The following SNTB1 variants were observed in gnomAD, a reference collection of about 807,000 sequenced individuals.
SNTB1 encodes beta-1-syntrophin.
A neutral mutation model predicts 48.9 loss-of-function variants in SNTB1; 36 were observed. That is an observed-to-expected ratio of 0.74 (90% CI 0.56 to 0.97). SNTB1 has a LOEUF of 0.97. SNTB1 is among the 50% of genes least tolerant of loss of function. The pLI, the probability that SNTB1 is intolerant of heterozygous loss-of-function variation, is 0.00. For missense variants in SNTB1, 786 were observed against 703.4 expected (o/e 1.12, Z -1.33); for synonymous variants, 299 against 294.6 (o/e 1.01, Z -0.15).
chr8:120,650,323 A>G (rs1322907438), intron 2 of SNTB1, among the ~76,000 whole-genome samples: 1 of 152,228 alleles, frequency 6.6e-6, no homozygotes, highest in Non-Finnish European at 1.5e-5. Context: ...ACGTGAGAGC[A>G]GCATGAAACC....
chr8:120,632,187 G>C (rs923891238), intron 3 of SNTB1, among the ~76,000 whole-genome samples: 2 of 151,998 alleles, frequency 1.3e-5, no homozygotes, highest in Admixed American at 1.3e-4. Context: ...ACTATTCCTC[G>C]ACTCACTCAT....
chr8:120,590,417 T>C (rs1207683761), intron 3 of SNTB1, among the ~76,000 whole-genome samples: 5 of 151,802 alleles, frequency 3.3e-5, no homozygotes, highest in African/African-American at 1.2e-4. Flanking sequence ...ATCTATTTCA[T>C]AGGATTATTG....
chr8:120,688,355 C>G (rs989996866), intron 2 of SNTB1, among the ~76,000 whole-genome samples: 2 of 152,060 alleles, frequency 1.3e-5, no homozygotes, highest in Non-Finnish European at 2.9e-5. Context: ...ATTCCCAAGA[C>G]TATTTAGTGG....
intron 3 of SNTB1, among the ~76,000 whole-genome samples, chr8:120,614,520 G>A (rs928433942): frequency 1.3e-5 from 2 of 152,144 alleles, no homozygotes; most frequent in African/African-American, 4.8e-5. Context: ...CTTAGCTCTG[G>A]CCTGCCAGCT....
At chr8:120,600,249 T>C (rs1166429595) in intron 3 of SNTB1, among the ~76,000 whole-genome samples, 7 of 152,218 alleles carry the variant, frequency 4.6e-5, no homozygotes, top group African/African-American at 1.7e-4. Context: ...CCTGCTTTCA[T>C]GCACTTGGAA....
chr8:120,668,362 AG>A (rs1369354637), intron 2 of SNTB1, among the ~76,000 whole-genome samples: 8 of 152,240 alleles, frequency 5.3e-5, no homozygotes, highest in African/African-American at 1.7e-4. Context: ...TGTTTCAGGA[AG>A]AAGGGTAAAT....
At chr8:120,637,674 A>C in intron 2 of SNTB1, 1 of 374,812 alleles carries the variant, frequency 2.7e-6, no homozygotes, top group Non-Finnish European at 5.2e-6. Context: ...AGGAAGAATA[A>C]AAATTCTATG....
chr8:120,593,298 A>C (rs1181465353), intron 3 of SNTB1, among the ~76,000 whole-genome samples: 2 of 152,222 alleles, frequency 1.3e-5, no homozygotes, highest in Non-Finnish European at 1.5e-5. Context: ...AGTACACAGC[A>C]GCTGAAAAGC....
At chr8:120,699,574 G>A (rs925910118) in intron 1 of SNTB1, among the ~76,000 whole-genome samples, 7 of 152,084 alleles carry the variant, frequency 4.6e-5, no homozygotes, top group Non-Finnish European at 4.4e-5. Context: ...AGATGGTGGC[G>A]CCATGCTTCC....
intron 4 of SNTB1, among the ~76,000 whole-genome samples, chr8:120,564,564 G>GTTT (rs71306893): frequency 0.29 from 24,755 of 84,190 alleles, 4,802 homozygotes; most frequent in East Asian, 0.44. Context: ...TATTATTCTG[G>GTTT]TTTTTTTTTT....
At chr8:120,762,303 C>T (rs1819435038) in intron 1 of SNTB1, among the ~76,000 whole-genome samples, 1 of 152,200 alleles carries the variant, frequency 6.6e-6, no homozygotes, top group Non-Finnish European at 1.5e-5. Context: ...CTGTTTTCAA[C>T]CAACTGCAGG....
chr8:120,625,145 G>A (rs532465802), intron 3 of SNTB1, among the ~76,000 whole-genome samples: 12 of 152,268 alleles, frequency 7.9e-5, no homozygotes, highest in African/African-American at 2.4e-4. Context: ...CATTCATGAA[G>A]GCAAAGCTCT....
chr8:120,665,406 C>A (rs868583270), intron 2 of SNTB1, among the ~76,000 whole-genome samples: 4 of 152,108 alleles, frequency 2.6e-5, no homozygotes, highest in Non-Finnish European at 5.9e-5. Context: ...GAGCTGAGAT[C>A]GTGCCACTCC....
At chr8:120,755,851 T>C (rs2130049507) in intron 1 of SNTB1, among the ~76,000 whole-genome samples, 1 of 152,190 alleles carries the variant, frequency 6.6e-6, no homozygotes. Context: ...CTGGAAGAAA[T>C]AGTGCTATTA....
intron 2 of SNTB1, among the ~76,000 whole-genome samples, chr8:120,648,881 T>C (rs1236443383): frequency 6.6e-6 from 1 of 152,110 alleles, no homozygotes; most frequent in Non-Finnish European, 1.5e-5. Context: ...TATTCTTTTT[T>C]CTCTAAACTT....
chr8:120,810,814 ATT>A (rs1820412602), intron 1 of SNTB1, among the ~76,000 whole-genome samples: 2 of 152,124 alleles, frequency 1.3e-5, no homozygotes, highest in African/African-American at 4.8e-5. Flanking sequence ...GGAGTGGGAA[ATT>A]TTGCCAAAGC....
chr8:120,714,291 A>G (rs771178829), intron 1 of SNTB1, among the ~76,000 whole-genome samples: 8 of 152,118 alleles, frequency 5.3e-5, no homozygotes, highest in Non-Finnish European at 1.2e-4. Flanking sequence ...GCCATCCATA[A>G]TGCTGTCTTC....
At chr8:120,572,775 CGTG>C (rs1313801116) in intron 4 of SNTB1, among the ~76,000 whole-genome samples, 2 of 142,950 alleles carry the variant, frequency 1.4e-5, no homozygotes, top group East Asian at 4.1e-4. Flanking sequence ...ATTAGCCGGG[CGTG>C]GTGGTGGGCG....
At chr8:120,570,507 G>GC (rs1815824993) in intron 4 of SNTB1, 2 of 152,192 alleles carry the variant, frequency 1.3e-5, no homozygotes, top group African/African-American at 4.8e-5. Flanking sequence ...GCACAGGTAT[G>GC]CAAGTGACAC....
Sources: allele counts gnomAD v4.1 joint callset (sites outside exome capture counted in the v4.1 genomes callset), GRCh38; gene constraint gnomAD v4.1.1; transcripts MANE v1.5; gene names NCBI Gene and HGNC (gene_info 2026-07-23, HGNC 2026-07-21).